The following CEP162 variants were observed in gnomAD, a reference collection of about 807,000 sequenced individuals.
CEP162 encodes centrosomal protein of 162 kDa.
CEP162 carries 141 observed loss-of-function variants against 169.2 expected under a neutral mutation model. The ratio of observed to expected loss-of-function variants is 0.83; its 90% CI spans 0.73 to 0.96. The LOEUF (loss-of-function observed/expected upper bound fraction) is 0.96, where lower values mean the gene tolerates loss of function less well. Ranked by LOEUF, CEP162 falls within the 40% of genes least tolerant of loss-of-function variation. The pLI is 0.00. For missense variants in CEP162, 1,600 were observed against 1,587.2 expected (o/e 1.01, Z -0.14); for synonymous variants, 540 against 526.4 (o/e 1.03, Z -0.35).
At chr6:84,169,286 ACCTT>A in intron 18 of CEP162, 38 bp downstream of exon 18, 1 of 1,091,496 alleles carries the variant, frequency 9.2e-7, no homozygotes, top group East Asian at 2.7e-5. Flanking sequence ...TTTTTATAAA[ACCTT>A]TATTATCCCT....
chr6:84,171,587 G>A lies in CEP162; in HGVS notation c.2279+19C>T, dbSNP rs1223252461. ...ATAGTCTAAGTATATTTGATTTTAA[G>A]AAGTTCAAAAGGACTTACTTTAAGG... On this transcript the variant is annotated intron_variant, in intron 17 of 26. Transcript: ENST00000403245. The A allele has an allele frequency of 1.0e-6, 1 of 976,702 alleles. No homozygotes were observed. Among genetic ancestry groups the A allele is most frequent in the South Asian group, 2.0e-5 (1 of 50,798 alleles). The allele number at this position is 976,702 out of a possible 1,614,324, so 60.5% of individuals were successfully genotyped here.
intron 5 of CEP162, among the ~76,000 whole-genome samples, chr6:84,214,128 A>G (rs897219998): frequency 1.3e-5 from 2 of 152,046 alleles, no homozygotes; most frequent in Non-Finnish European, 2.9e-5. Flanking sequence ...AAATACAAAA[A>G]ATTAGCCAGG....
At chr6:84,200,327 G>A (rs775769390) in intron 9 of CEP162, among the ~76,000 whole-genome samples, 11 of 152,196 alleles carry the variant, frequency 7.2e-5, no homozygotes, top group Non-Finnish European at 1.2e-4. Flanking sequence ...ATTTTGAAAA[G>A]GCATTATCTC....
At chr6:84,180,397 G>A (rs1167551939) in intron 13 of CEP162, among the ~76,000 whole-genome samples, 2 of 152,048 alleles carry the variant, frequency 1.3e-5, no homozygotes, top group East Asian at 3.9e-4. Context: ...CATACTGAAT[G>A]GGCAAAAACT....
rs765855388 is a variant in CEP162 at position 84,160,877 on chromosome 6, G to A, written c.2716C>T (p.Arg906Trp). ...LKAESGNPSI[R>W]QKIRLKDKAA... The stretch of plus-strand genomic sequence containing the variant: ...TTATCTTTTAAGCGTATCTTCTGCC[G>A]AATAGATGGATTCCCAGATTCAGCT... The change falls in exon 21 of 27, where the codon CGG (arginine) becomes TGG (tryptophan). Residue 906 changes from arginine (R) to tryptophan (W), a missense_variant. Arg to Trp is a moderately radical substitution (Grantham distance 101, BLOSUM62 -3). Transcript: ENST00000403245. 8 of 1,612,628 alleles carry A rather than the reference G, an allele frequency of 5.0e-6. No individual in the cohort carries two copies. The highest frequency in any genetic ancestry group is 1.3e-5 in the African/African-American group (1 of 74,992).
intron 25 of CEP162, among the ~76,000 whole-genome samples, chr6:84,130,562 G>A (rs1208443450): frequency 7.9e-5 from 12 of 152,070 alleles, no homozygotes; most frequent in Non-Finnish European, 1.5e-4. Context: ...TCAGGGATTC[G>A]ACTTCTTCCT....
rs1354076142 is a variant in CEP162, at chr6:84,124,510, G to C, written c.*560C>G. On this transcript the variant is annotated 3_prime_UTR_variant, in exon 27 of 27. Coordinates refer to ENST00000403245, the MANE Select transcript of CEP162 (RefSeq NM_014895.4). ...ATATTGCATATATTCTCACTTAAAA[G>C]TAGGAGCTAAACAATGGGTACACAG... 2.0e-5 allele frequency: 3 copies of C among 152,998 alleles called. No homozygotes were observed. In the South Asian group the frequency reaches 6.2e-4, roughly 32 times the overall value. 9.5% of individuals were successfully genotyped at this position (152,998 alleles called of 1,614,324 possible).
intron 3 of CEP162, among the ~76,000 whole-genome samples, chr6:84,218,543 CTTT>C (rs996599467): frequency 2.6e-5 from 4 of 151,832 alleles, no homozygotes; most frequent in Non-Finnish European, 4.4e-5. Flanking sequence ...TTGTTTTTTG[CTTT>C]TTAATATTCT....
chr6:84,161,783 C>T lies in CEP162; in HGVS notation c.2639G>A (p.Arg880Lys). 1 of 1,599,636 alleles carries T rather than the reference C, an allele frequency of 6.3e-7. No individual in the cohort carries two copies. Among genetic ancestry groups the T allele is most frequent in the Non-Finnish European group, 8.5e-7 (1 of 1,172,554 alleles). ...ELLDKDALRL[R>K]EANEEIEKLK... ...CTTCTCAATTTCCTCATTTGCTTCT[C>T]TAAGCCGAAGTGCATCTTTATCCAG... Residue 880 changes from arginine (R) to lysine (K), a missense_variant, in exon 20 of 27, where the codon AGA (arginine) becomes AAA (lysine). Transcript: ENST00000403245.
chr6:84,172,077 C>A (rs942769526), intron 16 of CEP162, among the ~76,000 whole-genome samples: 1 of 151,908 alleles, frequency 6.6e-6, no homozygotes, highest in South Asian at 2.1e-4. Flanking sequence ...CCAGTGAGAC[C>A]CTTTACATTC....
chr6:84,134,523 G>C (rs1234872138), intron 25 of CEP162, among the ~76,000 whole-genome samples: 1 of 152,182 alleles, frequency 6.6e-6, no homozygotes, highest in African/African-American at 2.4e-5. Flanking sequence ...AAGACCTTGG[G>C]AAAAGCATAG....
intron 7 of CEP162, among the ~76,000 whole-genome samples, chr6:84,202,783 A>G (rs1166890716): frequency 6.6e-6 from 1 of 151,900 alleles, no homozygotes; most frequent in Non-Finnish European, 1.5e-5. Flanking sequence ...TGTAATTGCC[A>G]TATTCCAAGT....
At chr6:84,155,597 T>G in intron 21 of CEP162, 87 bp from the exon 22 acceptor site, 3 of 868,644 alleles carry the variant, frequency 3.5e-6, no homozygotes, top group Non-Finnish European at 5.3e-6. Flanking sequence ...CAGAAATCTC[T>G]GTATACAGTA....
intron 23 of CEP162, among the ~76,000 whole-genome samples, chr6:84,150,931 C>G (rs891902615): frequency 6.6e-6 from 1 of 152,114 alleles, no homozygotes; most frequent in Non-Finnish European, 1.5e-5. Context: ...GCAGCATAAT[C>G]TTACACCAGT....
At chr6:84,212,889 A>C in intron 6 of CEP162, 68 bp downstream of exon 6, 1 of 964,890 alleles carries the variant, frequency 1.0e-6, no homozygotes, top group South Asian at 1.6e-5. Flanking sequence ...TATTTTTCTT[A>C]TTAATGTCTT....
chr6:84,203,865 T>A, intron 7 of CEP162, 116 bp downstream of exon 7: 1 of 499,730 alleles, frequency 2.0e-6, no homozygotes, highest in Non-Finnish European at 3.5e-6. Context: ...CCTGTAAGTT[T>A]ACAACAATAA....
rs748091431 is a variant in CEP162 at position 84,152,670 on chromosome 6, A to G, written c.3504T>C (p.His1168=). The G allele has an allele frequency of 6.2e-7, 1 of 1,611,784 alleles. No homozygotes were observed. Among genetic ancestry groups the G allele is most frequent in the East Asian group, 2.2e-5 (1 of 44,784 alleles). Residue 1168 remains histidine, a synonymous_variant, in exon 23 of 27, where the codon CAT becomes CAC. Coordinates refer to ENST00000403245, the MANE Select transcript of CEP162 (RefSeq NM_014895.4). ...LYQPHTFTDS[H]VSEVLQENYR... is the part of the protein sequence containing the mutation. ...AGTTTTCTTGTAAAACTTCTGAAAC[A>G]TGGGAATCAGTGAAAGTATGTGGTT...
intron 13 of CEP162, among the ~76,000 whole-genome samples, chr6:84,182,794 T>G (rs2099535484): frequency 6.6e-6 from 1 of 152,196 alleles, no homozygotes; most frequent in South Asian, 2.1e-4. Context: ...ACTGCCTATC[T>G]CTGGACTCTT....
Position 84,185,369 on chromosome 6 carries a change from G to A in CEP162, c.1481C>T (p.Ala494Val). 1.2e-6 allele frequency: 2 copies of A among 1,613,456 alleles called. No individual in the cohort carries two copies. Among genetic ancestry groups the A allele is most frequent in the East Asian group, 2.2e-5 (1 of 44,836 alleles). ...KQVPYKKARS[A>V]PPLLKRKPQS... is the part of the protein sequence containing the mutation. ...GGGTTTCCTTTTAAGTAAAGGAGGT[G>A]CACTTCTGGCCTTCTTGTATGGTAC... Residue 494 changes from alanine (A) to valine (V), a missense_variant, in exon 13 of 27, where the codon GCA becomes GTA. Physicochemically the swap from Ala to Val is moderately conservative, Grantham distance 64. Transcript: ENST00000403245.
Sources: allele counts gnomAD v4.1 joint callset (sites outside exome capture counted in the v4.1 genomes callset), GRCh38; gene constraint gnomAD v4.1.1; transcripts MANE v1.5; gene names NCBI Gene and HGNC (gene_info 2026-07-23, HGNC 2026-07-21).